Variants in RBFOX1 observed in about 807,000 individuals in gnomAD.
The protein encoded by RBFOX1 is RNA binding protein fox-1 homolog 1.
A neutral mutation model predicts 57.7 loss-of-function variants in RBFOX1; 8 were observed. The observed-to-expected ratio is 0.14, with a 90% CI of 0.08 to 0.25. RBFOX1 has a LOEUF of 0.25. RBFOX1 is among the 10% of genes least tolerant of loss of function. The pLI is 1.00. For synonymous variants in RBFOX1, 326 were observed against 222.4 expected, an observed-to-expected ratio of 1.47 and a Z score of -4.15; for missense variants, 611 against 548.5, an observed-to-expected ratio of 1.11 and a Z score of -1.14.
chr16:6,874,470 C>A (rs1252508700), intron 3 of RBFOX1, among the ~76,000 whole-genome samples: 2 of 134,898 alleles, frequency 1.5e-5, no homozygotes, highest in Admixed American at 8.4e-5. Flanking sequence ...AAGATCATGC[C>A]ACTGCACTCC....
chr16:5,940,262 G>A lies in RBFOX1; in HGVS notation c.351+72927G>A, dbSNP rs574381004. ...GCAAGTCACTTTCTACTTCTGAGTC[G>A]CATCTTCCACCTAAGTTAAATTCAG... is the stretch of plus-strand genomic sequence containing the variant. On this transcript the variant is annotated intron_variant, in intron 4 of 19. Coordinates refer to the RBFOX1 transcript ENST00000641259. 7.9e-5 allele frequency among the ~76,000 whole-genome samples: 12 copies of A among 152,198 alleles called. No individual in the cohort carries two copies. In the East Asian group the frequency reaches 9.7e-4, roughly 12 times the overall value.
intron 3 of RBFOX1, among the ~76,000 whole-genome samples, chr16:5,789,401 C>T (rs1442400514): frequency 6.6e-6 from 1 of 152,024 alleles, no homozygotes; most frequent in Admixed American, 6.6e-5. Context: ...TTTGGGAGGT[C>T]TACAAGCCCG....
At chr16:7,301,721 C>T (rs909534315) in intron 4 of RBFOX1, among the ~76,000 whole-genome samples, 1 of 152,006 alleles carries the variant, frequency 6.6e-6, no homozygotes, top group Non-Finnish European at 1.5e-5. Flanking sequence ...GGGTTATTTA[C>T]AGGCTTTTCT....
intron 3 of RBFOX1, among the ~76,000 whole-genome samples, chr16:5,685,034 G>A (rs1362530599): frequency 1.3e-5 from 2 of 152,234 alleles, no homozygotes; most frequent in East Asian, 1.9e-4. Context: ...AAGTGCATGC[G>A]ATAGAAGCGG....
intron 3 of RBFOX1, among the ~76,000 whole-genome samples, chr16:6,963,790 C>T (rs890987000): frequency 3.3e-5 from 5 of 151,864 alleles, no homozygotes; most frequent in Non-Finnish European, 7.4e-5. Context: ...GCTCCACCTC[C>T]CGGGTTCATG....
intron 3 of RBFOX1, among the ~76,000 whole-genome samples, chr16:6,791,081 AT>A (rs1253570890): frequency 6.6e-6 from 1 of 151,754 alleles, no homozygotes; most frequent in Non-Finnish European, 1.5e-5. Context: ...TAATTTTTGC[AT>A]TTTTTGTAGG....
At chr16:5,474,699 C>G (rs749381318) in intron 2 of RBFOX1, among the ~76,000 whole-genome samples, 1 of 151,106 alleles carries the variant, frequency 6.6e-6, no homozygotes, top group Non-Finnish European at 1.5e-5. Flanking sequence ...GGTGTTCTCT[C>G]TGTATGACAA....
intron 4 of RBFOX1, among the ~76,000 whole-genome samples, chr16:7,439,786 T>A (rs1174491812): frequency 6.6e-6 from 1 of 152,154 alleles, no homozygotes; most frequent in East Asian, 1.9e-4. Context: ...ATTTACAGAT[T>A]GCTTGCTTGT....
intron 2 of RBFOX1, among the ~76,000 whole-genome samples, chr16:6,385,623 G>A (rs1364610253): frequency 6.6e-6 from 1 of 152,218 alleles, no homozygotes; most frequent in Non-Finnish European, 1.5e-5. Flanking sequence ...GCCTCCCGAT[G>A]TGCTGGGATT....
At chr16:7,230,773 G>A (rs1361891035) in intron 4 of RBFOX1, among the ~76,000 whole-genome samples, 1 of 152,144 alleles carries the variant, frequency 6.6e-6, no homozygotes, top group African/African-American at 2.4e-5. Flanking sequence ...CTGAATTTCT[G>A]CTCTTCGGAC....
chr16:7,082,622 C>G (rs1032063499), intron 4 of RBFOX1, among the ~76,000 whole-genome samples: 3 of 151,828 alleles, frequency 2.0e-5, no homozygotes, highest in Non-Finnish European at 2.9e-5. Flanking sequence ...TTGAGTTTAT[C>G]AAGTCATTTT....
chr16:7,404,028 C>CTTTTATTTCCTTTTA (rs1555853056), intron 4 of RBFOX1, among the ~76,000 whole-genome samples: 2 of 129,964 alleles, frequency 1.5e-5, no homozygotes, highest in African/African-American at 2.9e-5. Context: ...ATTTCATTTC[C>CTTTTATTTCCTTTTA]TTTTATTTTA....
chr16:5,649,231 C>G (rs922738814), intron 3 of RBFOX1, among the ~76,000 whole-genome samples: 1 of 151,808 alleles, frequency 6.6e-6, no homozygotes, highest in African/African-American at 2.4e-5. Flanking sequence ...TTGGAGTGCA[C>G]AATTTTGGCT....
chr16:5,655,952 G>A (rs1419277342), intron 3 of RBFOX1, among the ~76,000 whole-genome samples: 1 of 152,178 alleles, frequency 6.6e-6, no homozygotes, highest in Non-Finnish European at 1.5e-5. Context: ...TGAGGAAGAA[G>A]GATGGTCACT....
intron 4 of RBFOX1, among the ~76,000 whole-genome samples, chr16:7,205,991 A>T (rs2089889269): frequency 6.6e-6 from 1 of 152,236 alleles, no homozygotes; most frequent in Non-Finnish European, 1.5e-5. Flanking sequence ...CCTATGGCCG[A>T]TGTTGTGTTC....
At chr16:5,830,118 A>T (rs372919875) in intron 3 of RBFOX1, among the ~76,000 whole-genome samples, 5 of 152,160 alleles carry the variant, frequency 3.3e-5, no homozygotes, top group African/African-American at 1.2e-4. Context: ...GTGGGCTGCA[A>T]TGCTCATTTG....
chr16:5,711,886 T>G (rs9934934), intron 3 of RBFOX1, among the ~76,000 whole-genome samples: 5,732 of 152,232 alleles, frequency 0.038, 374 homozygotes, highest in African/African-American at 0.13. Flanking sequence ...ATTGAGTGCT[T>G]ATTTAGGACC....
chr16:6,518,373 G>A (rs2096423208), intron 2 of RBFOX1, among the ~76,000 whole-genome samples: 1 of 152,126 alleles, frequency 6.6e-6, no homozygotes, highest in Non-Finnish European at 1.5e-5. Flanking sequence ...GGCTTTCTGT[G>A]GGTGTCAAGT....
Position 6,898,132 on chromosome 16 carries a change from C to G in RBFOX1, c.-15-153925C>G, listed in dbSNP as rs1220005940. On this transcript the variant is annotated intron_variant, in intron 3 of 15. Coordinates refer to ENST00000550418, the MANE Select transcript of RBFOX1 (RefSeq NM_018723.4). ...TCCACACCATATTCAGGACCAATCT[C>G]TATTTTGCCAAATCATGCATCATAA... Among the ~76,000 whole-genome samples the G allele has an allele frequency of 3.3e-5, 5 of 152,200 alleles. No individual in the cohort carries two copies. The East Asian group carries it at 5.8e-4, about 18-fold the overall frequency.
Sources: allele counts gnomAD v4.1 joint callset (sites outside exome capture counted in the v4.1 genomes callset), GRCh38; gene constraint gnomAD v4.1.1; transcripts MANE v1.5; gene names NCBI Gene and HGNC (gene_info 2026-07-23, HGNC 2026-07-21).